The following MYH15 variants were observed in gnomAD, a reference collection of about 807,000 sequenced individuals.
MYH15 encodes myosin-15.
In MYH15, 227 loss-of-function variants were observed where a neutral mutation model predicts 240.5. The observed-to-expected ratio is 0.94, with a 90% CI of 0.85 to 1.05. The LOEUF (loss-of-function observed/expected upper bound fraction) is 1.05. Among genes scored for constraint, MYH15 ranks in the 50% least tolerant of loss-of-function variants. The probability of loss-of-function intolerance (pLI) is 0.00; values close to 1 mark genes in which losing one functional copy is unlikely to be tolerated. For synonymous variants in MYH15, 785 were observed against 796.7 expected, an observed-to-expected ratio of 0.99 and a Z score of 0.25; for missense variants, 2,217 against 2,247.5, an observed-to-expected ratio of 0.99 and a Z score of 0.27.
intron 19 of MYH15, 112 bp downstream of exon 19, chr3:108,456,654 T>C (rs992801356): frequency 4.2e-5 from 31 of 733,456 alleles, no homozygotes; most frequent in Non-Finnish European, 6.6e-5. Context: ...ACACATCGAT[T>C]TGTAGTCTGG....
rs546570645 is a variant in MYH15 at position 108,518,778 on chromosome 3, A to G, written c.-57-8191T>C. The stretch of plus-strand genomic sequence containing the variant: ...TCATCCTTTGGGTCTTCAGTAAGCA[A>G]CATTTCTACAAGAAGGTATTCTCTA... On this transcript the variant is annotated intron_variant, in intron 1 of 41. Coordinates refer to the MYH15 transcript ENST00000273353. Among the ~76,000 whole-genome samples, 5 of 152,322 alleles carry G rather than the reference A, an allele frequency of 3.3e-5. No individual in the cohort carries two copies. In the South Asian group the frequency reaches 8.3e-4, roughly 25 times the overall value.
intron 1 of MYH15, among the ~76,000 whole-genome samples, chr3:108,528,050 A>G (rs895504850): frequency 6.6e-6 from 1 of 152,198 alleles, no homozygotes; most frequent in Non-Finnish European, 1.5e-5. Flanking sequence ...CCACTTCCTT[A>G]TAACAGTATT....
At chr3:108,445,035 G>C in intron 21 of MYH15, 140 bp from the exon 22 acceptor site, 1 of 960,432 alleles carries the variant, frequency 1.0e-6, no homozygotes, top group Non-Finnish European at 1.5e-6. Flanking sequence ...TTTATATCTG[G>C]ACTTTCACTT....
chr3:108,407,178 T>G (rs1166169636), intron 32 of MYH15, among the ~76,000 whole-genome samples: 1 of 152,210 alleles, frequency 6.6e-6, no homozygotes, highest in Non-Finnish European at 1.5e-5. Flanking sequence ...GAGGGTAATA[T>G]GGACACATTT....
upstream of MYH15, among the ~76,000 whole-genome samples, chr3:108,511,100 A>T (rs570377703): frequency 6.6e-6 from 1 of 152,224 alleles, no homozygotes; most frequent in South Asian, 2.1e-4. Context: ...CAAGTTGCGG[A>T]CACTAGGCCT....
upstream of MYH15, among the ~76,000 whole-genome samples, chr3:108,532,352 C>T (rs1197094812): frequency 6.6e-6 from 1 of 152,048 alleles, no homozygotes; most frequent in Non-Finnish European, 1.5e-5. Flanking sequence ...AGGCTGACCT[C>T]CTGAGAATAA....
chr3:108,539,115 T>C, the MYH15 span, among the ~76,000 whole-genome samples: 1 of 152,184 alleles, frequency 6.6e-6, no homozygotes, highest in Admixed American at 6.5e-5. Context: ...TTCCTACACA[T>C]GAACTTTGGG....
intron 25 of MYH15, among the ~76,000 whole-genome samples, chr3:108,436,795 C>G (rs557696968): frequency 1.3e-5 from 2 of 152,282 alleles, no homozygotes; most frequent in Non-Finnish European, 2.9e-5. Flanking sequence ...CCTCGGAAAC[C>G]TGACCCATCT....
At position 108,470,216 on chromosome 3, in the gene MYH15, C is replaced by T. The variant is rs754633862; in HGVS notation, c.1384-4G>A. On this transcript the variant is annotated splice_region_variant and splice_polypyrimidine_tract_variant and intron_variant, in intron 13 of 40. Coordinates refer to ENST00000693548, the MANE Select transcript of MYH15 (RefSeq NM_014981.3). Reference sequence around the variant, plus strand: ...AAAGTTGCTCAAGGCTATTATACTTCAAGGATATGAATAGGTAAGAAGAAG... The same window carrying T: ...AAAGTTGCTCAAGGCTATTATACTTTAAGGATATGAATAGGTAAGAAGAAG... 1 of 1,585,836 alleles carries T rather than the reference C, an allele frequency of 6.3e-7. No homozygotes were observed. Among genetic ancestry groups the T allele is most frequent in the Admixed American group, 1.8e-5 (1 of 55,918 alleles).
chr3:108,519,456 G>A (rs2083599870), intron 1 of MYH15, among the ~76,000 whole-genome samples: 2 of 152,106 alleles, frequency 1.3e-5, no homozygotes, highest in Admixed American at 6.5e-5. Context: ...TGAGTATGCA[G>A]GGACCAGCAA....
intron 11 of MYH15, among the ~76,000 whole-genome samples, chr3:108,484,569 C>G (rs1343601322): frequency 1.3e-5 from 2 of 152,148 alleles, no homozygotes; most frequent in African/African-American, 4.8e-5. Flanking sequence ...ACCTCTACCT[C>G]CCAGGTTCCA....
intron 2 of MYH15, among the ~76,000 whole-genome samples, chr3:108,504,548 G>A (rs1175133344): frequency 2.0e-5 from 3 of 152,252 alleles, no homozygotes; most frequent in South Asian, 2.1e-4. Context: ...AAACTTTCTC[G>A]ATATCAATAA....
At chr3:108,492,368 TAA>T in intron 9 of MYH15, 130 bp downstream of exon 9, 1 of 504,590 alleles carries the variant, frequency 2.0e-6, no homozygotes, top group Non-Finnish European at 3.5e-6. Context: ...TTCAATTCCC[TAA>T]GTTTTAAGGA....
At chr3:108,540,022 T>A in the MYH15 span, among the ~76,000 whole-genome samples, 1 of 152,176 alleles carries the variant, frequency 6.6e-6, no homozygotes, top group Non-Finnish European at 1.5e-5. Flanking sequence ...ATCTCACTTA[T>A]ATCCATGTGA....
At position 108,402,086 on chromosome 3, in the gene MYH15, C is replaced by T. The variant is rs549260455; in HGVS notation, c.4737-2819G>A. On this transcript the variant is annotated intron_variant, in intron 33 of 40. Coordinates refer to ENST00000693548, the MANE Select transcript of MYH15 (RefSeq NM_014981.3). ...TGCAGTAGGTCATTTATTTCCCTTA[C>T]GATATTGCTAATCTATGTATGAGAA... Among the ~76,000 whole-genome samples the T allele has an allele frequency of 5.3e-5, 8 of 152,112 alleles. No homozygotes were observed. The South Asian group carries it at 8.3e-4, about 16-fold the overall frequency.
intron 38 of MYH15, among the ~76,000 whole-genome samples, chr3:108,386,100 A>G (rs539212353): frequency 1.8e-4 from 28 of 152,362 alleles, no homozygotes; most frequent in Middle Eastern, 3.4e-3. Context: ...TATAAAATTC[A>G]AAAGACTCAT....
chr3:108,416,931 C>T lies in MYH15; in HGVS notation c.3830-1G>A. The T allele has an allele frequency of 2.5e-6, 4 of 1,605,746 alleles. No individual in the cohort carries two copies. Among genetic ancestry groups the T allele is most frequent in the Non-Finnish European group, 3.4e-6 (4 of 1,173,378 alleles). On this transcript the variant is annotated splice_acceptor_variant, in intron 28 of 40. Transcript: ENST00000693548. LOFTEE classifies it high-confidence loss of function. ...TCTTCAAGCCTCCGTAGGAACTCGC[C>T]TACAGAAAGATTTCACAAAACTACA...
chr3:108,424,252 G>GA (rs1363385427), intron 27 of MYH15, among the ~76,000 whole-genome samples: 2 of 152,228 alleles, frequency 1.3e-5, no homozygotes, highest in Non-Finnish European at 2.9e-5. Context: ...TGGACAGATA[G>GA]AAAAGGCACT....
At chr3:108,496,095 G>A (rs1046937541) in intron 6 of MYH15, among the ~76,000 whole-genome samples, 1 of 152,204 alleles carries the variant, frequency 6.6e-6, no homozygotes, top group Admixed American at 6.5e-5. Flanking sequence ...GTGGGAGCTC[G>A]TTTATTTGCA....
Sources: allele counts gnomAD v4.1 joint callset (sites outside exome capture counted in the v4.1 genomes callset), GRCh38; gene constraint gnomAD v4.1.1; transcripts MANE v1.5; gene names NCBI Gene and HGNC (gene_info 2026-07-23, HGNC 2026-07-21).